Variants in CNTNAP2 observed in about 807,000 individuals in gnomAD.
CNTNAP2 encodes the protein contactin associated protein 2.
A neutral mutation model predicts 155.2 loss-of-function variants in CNTNAP2; 98 were observed. That is an observed-to-expected ratio of 0.63 (90% CI 0.54 to 0.75). The LOEUF is 0.75. Ranked by LOEUF, CNTNAP2 falls within the 30% of genes least tolerant of loss-of-function variation. The probability of loss-of-function intolerance (pLI) is 0.00; values close to 1 mark genes in which losing one functional copy is unlikely to be tolerated. For missense variants in CNTNAP2, 1,727 were observed against 1,688.1 expected, an observed-to-expected ratio of 1.02 and a Z score of -0.40; for synonymous variants, 651 against 631.2, an observed-to-expected ratio of 1.03 and a Z score of -0.47.
At chr7:147,062,811 C>G (rs566488776) in intron 4 of CNTNAP2, among the ~76,000 whole-genome samples, 2 of 152,070 alleles carry the variant, frequency 1.3e-5, no homozygotes, top group East Asian at 1.9e-4. Flanking sequence ...TATTATCTAG[C>G]GTCTGTTCTT....
chr7:148,414,902 G>T, intron 23 of CNTNAP2: 1 of 208,302 alleles, frequency 4.8e-6, no homozygotes. Flanking sequence ...ACATGCACAT[G>T]TTAGTATTAT....
intron 3 of CNTNAP2, among the ~76,000 whole-genome samples, chr7:147,018,287 C>A (rs1289844033): frequency 6.6e-6 from 1 of 152,054 alleles, no homozygotes; most frequent in Non-Finnish European, 1.5e-5. Flanking sequence ...AGCCCAATTT[C>A]TTTCTTGAAA....
rs1020619621 is a variant in CNTNAP2, at chr7:147,556,315, A to G, written c.1778-5823A>G. On this transcript the variant is annotated intron_variant, in intron 11 of 23. Coordinates refer to ENST00000361727, the MANE Select transcript of CNTNAP2 (RefSeq NM_014141.6). ...TATAGTTGTGATATTATTTCCATACATTATTTATATAAAATCATATTATTT... is the reference window on the plus strand; with the variant it reads ...TATAGTTGTGATATTATTTCCATACGTTATTTATATAAAATCATATTATTT... 7.2e-5 allele frequency among the ~76,000 whole-genome samples: 11 copies of G among 152,172 alleles called. No homozygotes were observed. The South Asian group carries it at 2.3e-3, about 31-fold the overall frequency.
chr7:147,206,123 T>C (rs923227818), intron 8 of CNTNAP2, among the ~76,000 whole-genome samples: 4 of 151,988 alleles, frequency 2.6e-5, no homozygotes, highest in East Asian at 1.9e-4. Context: ...TAAAGACTAA[T>C]GTAGAAAAAA....
chr7:147,188,340 C>T (rs754223564), intron 8 of CNTNAP2, among the ~76,000 whole-genome samples: 1 of 152,006 alleles, frequency 6.6e-6, no homozygotes, highest in Non-Finnish European at 1.5e-5. Flanking sequence ...TTGAGAAGTT[C>T]GAAGCCTGTC....
At chr7:148,320,508 C>A (rs1225782915) in intron 21 of CNTNAP2, among the ~76,000 whole-genome samples, 1 of 149,918 alleles carries the variant, frequency 6.7e-6, no homozygotes, top group Non-Finnish European at 1.5e-5. Flanking sequence ...CTCAGCCACC[C>A]AAGTAGCTGG....
At chr7:146,149,051 G>A (rs1024932382) in intron 1 of CNTNAP2, among the ~76,000 whole-genome samples, 2 of 151,856 alleles carry the variant, frequency 1.3e-5, no homozygotes, top group African/African-American at 4.8e-5. Context: ...GGATGGGGGA[G>A]GGAAGGCATT....
chr7:147,719,713 A>G (rs1417711671), intron 13 of CNTNAP2, among the ~76,000 whole-genome samples: 1 of 152,124 alleles, frequency 6.6e-6, no homozygotes, highest in East Asian at 1.9e-4. Context: ...TAATATTAAA[A>G]ACAAGAGTAA....
chr7:147,350,253 A>G (rs1795946578), intron 9 of CNTNAP2, among the ~76,000 whole-genome samples: 1 of 151,896 alleles, frequency 6.6e-6, no homozygotes, highest in South Asian at 2.1e-4. Flanking sequence ...GCATTTTCTA[A>G]TTTCTCCTCT....
At chr7:146,117,105 C>G in intron 1 of CNTNAP2, 132 bp downstream of exon 1, 1 of 749,378 alleles carries the variant, frequency 1.3e-6, no homozygotes, top group South Asian at 1.6e-5. Context: ...CTGTCACACA[C>G]TTGCAGCCAC....
chr7:148,132,197 A>G (rs1804844492), intron 16 of CNTNAP2, among the ~76,000 whole-genome samples: 1 of 152,194 alleles, frequency 6.6e-6, no homozygotes. Flanking sequence ...ATCGTTCTCA[A>G]GATGCATTTT....
chr7:146,356,821 C>G (rs6973698), intron 1 of CNTNAP2, among the ~76,000 whole-genome samples: 3 of 151,938 alleles, frequency 2.0e-5, no homozygotes, highest in Admixed American at 1.3e-4. Flanking sequence ...AACACACACA[C>G]GCACTTTCTT....
intron 8 of CNTNAP2, among the ~76,000 whole-genome samples, chr7:147,243,976 G>T (rs1006590861): frequency 6.6e-6 from 1 of 152,164 alleles, no homozygotes; most frequent in African/African-American, 2.4e-5. Context: ...TTTTGCTTCT[G>T]TGAAGATTTC....
At chr7:147,526,616 G>A (rs1186221503) in intron 11 of CNTNAP2, among the ~76,000 whole-genome samples, 2 of 152,042 alleles carry the variant, frequency 1.3e-5, no homozygotes, top group East Asian at 1.9e-4. Context: ...TTTTTGCCTC[G>A]ACCATAAGTA....
chr7:147,317,309 C>G (rs1021154553), intron 9 of CNTNAP2, among the ~76,000 whole-genome samples: 1 of 152,220 alleles, frequency 6.6e-6, no homozygotes, highest in Non-Finnish European at 1.5e-5. Flanking sequence ...TTTCCACCCT[C>G]ACTGACTTCC....
At chr7:147,920,220 G>A (rs1426535956) in intron 14 of CNTNAP2, among the ~76,000 whole-genome samples, 1 of 151,924 alleles carries the variant, frequency 6.6e-6, no homozygotes, top group Non-Finnish European at 1.5e-5. Context: ...GCTGGGCGTG[G>A]TGGCACATGC....
Position 147,494,325 on chromosome 7 carries a change from C to G in CNTNAP2, c.1777+8284C>G, listed in dbSNP as rs10251666. Among the ~76,000 whole-genome samples the G allele has an allele frequency of 2.6e-5, 4 of 152,244 alleles. No individual in the cohort carries two copies. In the South Asian group the frequency reaches 6.2e-4, roughly 24 times the overall value. On this transcript the variant is annotated intron_variant, in intron 11 of 23. Transcript: ENST00000361727. Reference sequence around the variant, plus strand: ...ACACAGCCCAAGGACCTCTACATTTCTAAGGCAGACCAAATTTTGAATTAA... The same window carrying G: ...ACACAGCCCAAGGACCTCTACATTTGTAAGGCAGACCAAATTTTGAATTAA...
At chr7:147,127,040 A>G (rs573885762) in intron 6 of CNTNAP2, among the ~76,000 whole-genome samples, 102 of 152,304 alleles carry the variant, frequency 6.7e-4, no homozygotes, top group African/African-American at 2.3e-3. Flanking sequence ...ATTTAATAAT[A>G]TTAAACATTG....
intron 9 of CNTNAP2, among the ~76,000 whole-genome samples, chr7:147,303,354 T>C (rs1454451396): frequency 1.3e-5 from 2 of 152,196 alleles, no homozygotes; most frequent in African/African-American, 4.8e-5. Flanking sequence ...TGGGAATAAA[T>C]AGTAAAAATC....
Sources: allele counts gnomAD v4.1 joint callset (sites outside exome capture counted in the v4.1 genomes callset), GRCh38; gene constraint gnomAD v4.1.1; transcripts MANE v1.5; gene names NCBI Gene and HGNC (gene_info 2026-07-23, HGNC 2026-07-21).